The following RPS6KA5 variants were observed in gnomAD, a reference collection of about 807,000 sequenced individuals.
RPS6KA5 encodes the protein ribosomal protein S6 kinase A5, also known as ribosomal protein S6 kinase alpha-5.
In RPS6KA5, 27 loss-of-function variants were observed where a neutral mutation model predicts 85.5. The ratio of observed to expected loss-of-function variants is 0.32; its 90% CI spans 0.23 to 0.44. RPS6KA5 has a LOEUF of 0.44. RPS6KA5 is among the 20% of genes least tolerant of loss of function. The pLI, the probability that RPS6KA5 is intolerant of heterozygous loss-of-function variation, is 1.00. For missense variants in RPS6KA5, 811 were observed against 980.9 expected (o/e 0.83, Z 2.31); for synonymous variants, 334 against 348.2 (o/e 0.96, Z 0.46).
chr14:91,048,249 A>C (rs1341008839), intron 1 of RPS6KA5, among the ~76,000 whole-genome samples: 1 of 152,232 alleles, frequency 6.6e-6, no homozygotes, highest in Admixed American at 6.5e-5. Context: ...TTTAAAATAC[A>C]AGAATTAATG....
intron 9 of RPS6KA5, among the ~76,000 whole-genome samples, chr14:90,901,503 T>A (rs1360439640): frequency 1.3e-5 from 2 of 152,224 alleles, no homozygotes; most frequent in East Asian, 3.8e-4. Flanking sequence ...AATTTAAAAT[T>A]GAGTTTTGGA....
intron 2 of RPS6KA5, among the ~76,000 whole-genome samples, chr14:90,978,980 T>G (rs2039682469): frequency 6.6e-6 from 1 of 152,164 alleles, no homozygotes; most frequent in Admixed American, 6.5e-5. Context: ...TATTCCTCTA[T>G]ACTTATAAAA....
intron 14 of RPS6KA5, among the ~76,000 whole-genome samples, chr14:90,881,986 A>C (rs757295733): frequency 2.0e-5 from 3 of 152,238 alleles, no homozygotes; most frequent in Admixed American, 6.5e-5. Context: ...TAAAGTAATT[A>C]CTGATAAAAA....
chr14:90,965,403 C>A (rs1381980682), intron 3 of RPS6KA5, among the ~76,000 whole-genome samples: 1 of 152,092 alleles, frequency 6.6e-6, no homozygotes, highest in Non-Finnish European at 1.5e-5. Context: ...TATCAAATAC[C>A]TTAAATTTTT....
intron 5 of RPS6KA5, among the ~76,000 whole-genome samples, chr14:90,923,507 T>C (rs559824520): frequency 1.3e-5 from 2 of 152,326 alleles, no homozygotes; most frequent in East Asian, 3.9e-4. Flanking sequence ...GTTCACTTTT[T>C]GCATGCATGT....
chr14:90,900,240 T>A lies in RPS6KA5; in HGVS notation c.1247A>T (p.Asp416Val). 1 of 1,559,790 alleles carries A rather than the reference T, an allele frequency of 6.4e-7. No homozygotes were observed. The highest frequency in any genetic ancestry group is 1.3e-5 in the South Asian group (1 of 78,410). Residue 416 changes from aspartate (D) to valine (V), a missense_variant and splice_region_variant, in exon 11 of 17, where the codon GAC (aspartate) becomes GTC (valine). Around this residue, in one of 3 missense-constraint regions of RPS6KA5, gnomAD observed 650 missense variants for 793.4 expected, o/e 0.82. Coordinates refer to ENST00000614987, the MANE Select transcript of RPS6KA5 (RefSeq NM_004755.4). ...GTCATAGTGTTGATAGAATGGAGAG[T>A]CCTGTCAAGAAATCAACATCATTTA... ...TNVARSAMMKDSPFYQHYDLD... is the reference protein window; with the variant it reads ...TNVARSAMMKVSPFYQHYDLD...
At chr14:90,943,460 T>C (rs2037699355) in intron 4 of RPS6KA5, among the ~76,000 whole-genome samples, 1 of 152,164 alleles carries the variant, frequency 6.6e-6, no homozygotes, top group Admixed American at 6.5e-5. Context: ...CTCGTGCTTC[T>C]TCATGTCTCT....
intron 5 of RPS6KA5, among the ~76,000 whole-genome samples, chr14:90,925,494 G>A (rs896298913): frequency 1.1e-4 from 16 of 152,174 alleles, no homozygotes; most frequent in African/African-American, 3.6e-4. Flanking sequence ...TCTTCTGCAC[G>A]GTGTGGGGAA....
intron 7 of RPS6KA5, among the ~76,000 whole-genome samples, chr14:90,914,532 C>G (rs1202046402): frequency 2.0e-5 from 3 of 151,946 alleles, no homozygotes; most frequent in Admixed American, 2.0e-4. Flanking sequence ...CCAGGCTGGT[C>G]TCAAACTCTT....
At chr14:90,912,641 C>T (rs1015145505) in intron 7 of RPS6KA5, among the ~76,000 whole-genome samples, 3 of 152,190 alleles carry the variant, frequency 2.0e-5, no homozygotes, top group Non-Finnish European at 4.4e-5. Flanking sequence ...AGTCTGTCTT[C>T]CTTTAGCTAT....
chr14:90,885,421 C>T (rs1465382369), intron 14 of RPS6KA5, among the ~76,000 whole-genome samples: 113 of 149,526 alleles, frequency 7.6e-4, no homozygotes, highest in South Asian at 2.1e-4. Flanking sequence ...GGCGTAGTGG[C>T]GGGCGCCTGT....
intron 16 of RPS6KA5, 81 bp downstream of exon 16, chr14:90,873,551 G>A (rs113066317): frequency 2.3e-5 from 28 of 1,242,952 alleles, no homozygotes; most frequent in Middle Eastern, 2.0e-4. Flanking sequence ...CAAAGAAAAC[G>A]TATCTGAGGC....
At chr14:91,030,079 T>C (rs61989760) in intron 1 of RPS6KA5, among the ~76,000 whole-genome samples, 2,538 of 152,184 alleles carry the variant, frequency 0.017, 27 homozygotes, top group South Asian at 0.028. Context: ...GCAAGCTAAA[T>C]CACCCCCAGA....
At chr14:90,914,341 T>G (rs2035998534) in intron 7 of RPS6KA5, among the ~76,000 whole-genome samples, 6 of 95,036 alleles carry the variant, frequency 6.3e-5, no homozygotes, top group East Asian at 3.6e-4. Context: ...TGAGATGGAG[T>G]TTCACTCTTT....
chr14:90,900,538 CATTA>C (rs1390491793), intron 10 of RPS6KA5, 69 bp downstream of exon 10: 11 of 1,448,964 alleles, frequency 7.6e-6, no homozygotes, highest in African/African-American at 1.4e-5. Context: ...GACTTAAGAA[CATTA>C]ATTAGAGTTG....
At chr14:90,959,427 TAATA>T (rs2038687451) in intron 3 of RPS6KA5, among the ~76,000 whole-genome samples, 1 of 152,120 alleles carries the variant, frequency 6.6e-6, no homozygotes, top group Admixed American at 6.6e-5. Flanking sequence ...TCACTCGCAA[TAATA>T]AATAAGGTAA....
rs2032897738 is a variant in RPS6KA5 at position 90,868,426 on chromosome 14, T to C, written c.*3648A>G. On this transcript the variant is annotated 3_prime_UTR_variant, in exon 17 of 17. Transcript: ENST00000614987. ...GACATTTGAGAGGCCAAAAGTCATA[T>C]AATTTTAAGATACTTCATGATGTTA... 2 of 152,224 alleles carry C rather than the reference T, an allele frequency of 1.3e-5. No homozygotes were observed. Among genetic ancestry groups the C allele is most frequent in the Non-Finnish European group, 2.9e-5 (2 of 68,042 alleles). 9.4% of individuals were successfully genotyped at this position (152,224 alleles called of 1,614,324 possible). A position where few individuals can be genotyped will look rare whatever the true frequency, so the allele number is the denominator to read the frequency against.
intron 1 of RPS6KA5, among the ~76,000 whole-genome samples, chr14:91,043,224 A>T (rs1319308068): frequency 6.6e-6 from 1 of 152,040 alleles, no homozygotes; most frequent in Non-Finnish European, 1.5e-5. Flanking sequence ...CTCTTTTTCT[A>T]TCGATTCCTT....
In RPS6KA5 at chr14:91,026,194, G is replaced by T. The variant is rs556354292; in HGVS notation, c.104-25035C>A. Among the ~76,000 whole-genome samples the T allele has an allele frequency of 6.6e-5, 10 of 152,202 alleles. No homozygotes were observed. In the South Asian group the frequency reaches 1.7e-3, roughly 25 times the overall value. On this transcript the variant is annotated intron_variant, in intron 1 of 16. Transcript: ENST00000614987. ...CATGATTTTGTTATTTTTTATAGCC[G>T]CATATTCCATGGTGTATACGTACCA...
Sources: gnomAD v4.1 joint callset for allele counts (sites outside exome capture counted in the v4.1 genomes callset) on GRCh38, gnomAD v4.1.1 for gene constraint, gnomAD v4.1.1 regional missense constraint, MANE v1.5 for transcripts, NCBI Gene and HGNC (gene_info 2026-07-23, HGNC 2026-07-21) for gene names.